NEK5: variants seen among roughly 807,000 people sequenced by gnomAD.
NEK5 encodes the protein NIMA related kinase 5.
In NEK5, 88 loss-of-function variants were observed where a neutral mutation model predicts 109.2. The observed-to-expected ratio is 0.81, with a 90% CI of 0.68 to 0.96. The LOEUF (loss-of-function observed/expected upper bound fraction) is 0.96, where lower values mean the gene tolerates loss of function less well. Among genes scored for constraint, NEK5 ranks in the 40% least tolerant of loss-of-function variants. The pLI is 0.00. For synonymous variants in NEK5, 283 were observed against 299.9 expected, an observed-to-expected ratio of 0.94 and a Z score of 0.58; for missense variants, 834 against 920.7, an observed-to-expected ratio of 0.91 and a Z score of 1.22.
intron 20 of NEK5, among the ~76,000 whole-genome samples, chr13:52,065,945 T>C (rs923619051): frequency 6.6e-6 from 1 of 152,142 alleles, no homozygotes; most frequent in Admixed American, 6.5e-5. Flanking sequence ...ATTTAAAAAA[T>C]AACTTGTTCT....
At chr13:52,085,725 A>G (rs931281390) in intron 16 of NEK5, among the ~76,000 whole-genome samples, 1 of 152,234 alleles carries the variant, frequency 6.6e-6, no homozygotes, top group South Asian at 2.1e-4. Context: ...CTTCTGAAGA[A>G]GCAGTGATCT....
chr13:52,122,587 T>C (rs1337519047), intron 3 of NEK5, among the ~76,000 whole-genome samples: 1 of 152,098 alleles, frequency 6.6e-6, no homozygotes, highest in African/African-American at 2.4e-5. Context: ...GCCAACATAG[T>C]GAAAGCCTGT....
chr13:52,097,430 G>C (rs1437688139), intron 12 of NEK5, among the ~76,000 whole-genome samples: 2 of 152,238 alleles, frequency 1.3e-5, no homozygotes. Flanking sequence ...AGCTGCCCAA[G>C]GCCTTGAGAG....
intron 23 of NEK5, among the ~76,000 whole-genome samples, chr13:52,041,747 A>AAAAT (rs1954416280): frequency 6.6e-6 from 1 of 150,842 alleles, no homozygotes; most frequent in African/African-American, 2.4e-5. Context: ...AAAAAAAAAA[A>AAAAT]AAAAAATTCA....
intron 23 of NEK5, among the ~76,000 whole-genome samples, chr13:52,044,636 AT>A (rs1424573068): frequency 6.6e-6 from 1 of 152,202 alleles, no homozygotes; most frequent in Non-Finnish European, 1.5e-5. Context: ...TTTCTAGGCA[AT>A]TTAAGGGTGT....
At chr13:52,094,265 T>G (rs1051621833) in intron 12 of NEK5, among the ~76,000 whole-genome samples, 1 of 152,186 alleles carries the variant, frequency 6.6e-6, no homozygotes, top group Non-Finnish European at 1.5e-5. Context: ...GGGGTCAATT[T>G]AACCTAAAGC....
intron 4 of NEK5, among the ~76,000 whole-genome samples, chr13:52,115,296 C>T (rs1396198863): frequency 1.3e-5 from 2 of 151,830 alleles, no homozygotes; most frequent in Non-Finnish European, 2.9e-5. Flanking sequence ...CCACCGCGCC[C>T]GGCCGACAGA....
At chr13:52,051,143 C>A (rs1455648074) in intron 22 of NEK5, among the ~76,000 whole-genome samples, 1 of 151,198 alleles carries the variant, frequency 6.6e-6, no homozygotes, top group Non-Finnish European at 1.5e-5. Flanking sequence ...TTTTTAAAGG[C>A]CTTTTCTGCT....
chr13:52,083,105 G>A (rs956501892), intron 17 of NEK5, among the ~76,000 whole-genome samples, 155 bp downstream of exon 17: 2 of 151,814 alleles, frequency 1.3e-5, no homozygotes, highest in Non-Finnish European at 2.9e-5. Flanking sequence ...AAGATCGCAC[G>A]ACTGCACTCC....
chr13:52,082,237 C>T (rs1250007362), intron 17 of NEK5: 6 of 366,776 alleles, frequency 1.6e-5, no homozygotes, highest in Non-Finnish European at 2.9e-5. Flanking sequence ...ATCGCTTGAA[C>T]CTGGGAGGCG....
Position 52,065,600 on chromosome 13 carries a change from G to A in NEK5, c.1859C>T (p.Thr620Met), listed in dbSNP as rs139117802. The A allele has an allele frequency of 1.0e-4, 166 of 1,612,488 alleles. No individual in the cohort carries two copies. Among genetic ancestry groups the A allele is most frequent in the Non-Finnish European group, 1.3e-4 (158 of 1,178,692 alleles). The change falls in exon 21 of 24, where the codon ACG (threonine) becomes ATG (methionine). Residue 620 changes from threonine (T) to methionine (M), a missense_variant. Coordinates refer to ENST00000684899, the MANE Select transcript of NEK5 (RefSeq NM_001365552.1). ...KLHCPEAGFS[T>M]QTVAAVGNRR... Reference sequence around the variant, plus strand: ...GTTTCCCACAGCAGCTACAGTCTGCGTGGAAAACCCTGGGTGTAAGAAAAC... The same window carrying A: ...GTTTCCCACAGCAGCTACAGTCTGCATGGAAAACCCTGGGTGTAAGAAAAC...
In NEK5 at chr13:52,082,315, A is replaced by T. The variant is rs1418859169; in HGVS notation, c.1572+945T>A. On this transcript the variant is annotated intron_variant, in intron 17 of 23. Coordinates refer to ENST00000684899, the MANE Select transcript of NEK5 (RefSeq NM_001365552.1). Reference sequence around the variant, plus strand: ...GGGCAACAAGAGCGAAATTCCATCTAAAAAAAAAAGATAATAATAATTCTT... The same window carrying T: ...GGGCAACAAGAGCGAAATTCCATCTTAAAAAAAAAGATAATAATAATTCTT... The T allele has an allele frequency of 2.6e-5, 19 of 727,634 alleles. No homozygotes were observed. The South Asian group carries it at 3.5e-4, about 13-fold the overall frequency. The allele number at this position is 727,634 out of a possible 1,614,324, so 45.1% of individuals were successfully genotyped here.
chr13:52,046,442 G>T (rs1367261680), intron 23 of NEK5, among the ~76,000 whole-genome samples: 4 of 149,300 alleles, frequency 2.7e-5, no homozygotes, highest in Non-Finnish European at 5.9e-5. Flanking sequence ...TCGGGCCACT[G>T]CATTCCAGCC....
intron 17 of NEK5, among the ~76,000 whole-genome samples, chr13:52,080,165 A>G (rs1954965026): frequency 7.5e-6 from 1 of 133,726 alleles, no homozygotes; most frequent in Non-Finnish European, 1.6e-5. Context: ...TCCAGGAGGG[A>G]GGTGGGGGTC....
At chr13:52,088,053 C>T (rs1006667037) in intron 14 of NEK5, among the ~76,000 whole-genome samples, 3 of 150,094 alleles carry the variant, frequency 2.0e-5, no homozygotes, top group Admixed American at 2.0e-4. Context: ...TCAGCCCCCT[C>T]AGTAGCTGGG....
chr13:52,054,666 G>A (rs1453470201), intron 22 of NEK5, among the ~76,000 whole-genome samples: 2 of 152,066 alleles, frequency 1.3e-5, no homozygotes, highest in African/African-American at 4.8e-5. Context: ...GCCTAACTGG[G>A]AGGCACCCCC....
At chr13:52,085,126 A>G (rs960895419) in intron 16 of NEK5, among the ~76,000 whole-genome samples, 2 of 152,096 alleles carry the variant, frequency 1.3e-5, no homozygotes, top group Non-Finnish European at 2.9e-5. Context: ...CCAGGTGGAG[A>G]TAACTGAATC....
At chr13:52,103,561 A>T (rs1028572458) in intron 9 of NEK5, among the ~76,000 whole-genome samples, 3 of 152,242 alleles carry the variant, frequency 2.0e-5, no homozygotes, top group Admixed American at 6.5e-5. Context: ...GCCTGCTTAC[A>T]ATGTTGGCCC....
intron 23 of NEK5, among the ~76,000 whole-genome samples, chr13:52,048,536 T>G (rs1010323843): frequency 6.6e-6 from 1 of 152,052 alleles, no homozygotes; most frequent in Non-Finnish European, 1.5e-5. Flanking sequence ...AAAAGAGACA[T>G]AGAGAGCTAT....
Sources: gnomAD v4.1 joint callset for allele counts (sites outside exome capture counted in the v4.1 genomes callset) on GRCh38, gnomAD v4.1.1 for gene constraint, MANE v1.5 for transcripts, NCBI Gene and HGNC (gene_info 2026-07-23, HGNC 2026-07-21) for gene names.